The following CNTNAP2 variants were observed in gnomAD, a reference collection of about 807,000 sequenced individuals.
CNTNAP2 encodes contactin-associated protein-like 2.
Under a neutral mutation model 155.2 loss-of-function variants are expected in CNTNAP2, and 98 were observed. That is an observed-to-expected ratio of 0.63 (90% CI 0.54 to 0.75). The LOEUF (loss-of-function observed/expected upper bound fraction) is 0.75. Ranked by LOEUF, CNTNAP2 falls within the 30% of genes least tolerant of loss-of-function variation. The pLI, the probability that CNTNAP2 is intolerant of heterozygous loss-of-function variation, is 0.00. For missense variants in CNTNAP2, 1,727 were observed against 1,688.1 expected (o/e 1.02, Z -0.40); for synonymous variants, 651 against 631.2 (o/e 1.03, Z -0.47).
intron 14 of CNTNAP2, among the ~76,000 whole-genome samples, chr7:147,951,871 G>A (rs1054719028): frequency 7.3e-5 from 11 of 151,712 alleles, no homozygotes; most frequent in African/African-American, 2.4e-4. Flanking sequence ...AACCACCATG[G>A]CACATGTATA....
intron 10 of CNTNAP2, among the ~76,000 whole-genome samples, chr7:147,441,844 T>TCTCTCC (rs1797643558): frequency 7.6e-6 from 1 of 132,312 alleles, no homozygotes; most frequent in East Asian, 2.0e-4. Flanking sequence ...TCTCTCTCTC[T>TCTCTCC]CTCTCTCCCT....
At chr7:148,146,005 G>A (rs1295660588) in intron 16 of CNTNAP2, among the ~76,000 whole-genome samples, 1 of 152,212 alleles carries the variant, frequency 6.6e-6, no homozygotes, top group Non-Finnish European at 1.5e-5. Context: ...GCTCAATAAA[G>A]TTAATGCAGC....
chr7:146,178,233 C>T (rs1231594584), intron 1 of CNTNAP2, among the ~76,000 whole-genome samples: 1 of 152,078 alleles, frequency 6.6e-6, no homozygotes, highest in Non-Finnish European at 1.5e-5. Flanking sequence ...CGGAGTTTCA[C>T]CGTGTTAGCC....
chr7:147,043,482 T>C (rs1432116296), intron 3 of CNTNAP2, among the ~76,000 whole-genome samples: 1 of 152,202 alleles, frequency 6.6e-6, no homozygotes, highest in East Asian at 1.9e-4. Context: ...CTTCTCTCAC[T>C]AATGTTGAAA....
intron 1 of CNTNAP2, among the ~76,000 whole-genome samples, chr7:146,289,303 A>G (rs1329284684): frequency 2.0e-5 from 3 of 152,224 alleles, no homozygotes; most frequent in African/African-American, 7.2e-5. Context: ...CATGGTACAA[A>G]ATACAAGTTT....
At chr7:146,203,407 G>A (rs1347122587) in intron 1 of CNTNAP2, among the ~76,000 whole-genome samples, 5 of 152,148 alleles carry the variant, frequency 3.3e-5, no homozygotes, top group Non-Finnish European at 5.9e-5. Flanking sequence ...ATGCTTACTT[G>A]TTTATCACAA....
chr7:147,248,959 T>C (rs1053125776), intron 8 of CNTNAP2, among the ~76,000 whole-genome samples: 4 of 152,062 alleles, frequency 2.6e-5, no homozygotes, highest in African/African-American at 9.7e-5. Context: ...GCCTTAATGG[T>C]CCACTGATCT....
intron 1 of CNTNAP2, among the ~76,000 whole-genome samples, chr7:146,126,434 A>G (rs187904542): frequency 6.6e-6 from 1 of 152,324 alleles, no homozygotes; most frequent in East Asian, 1.9e-4. Context: ...AAATCATAAT[A>G]TATATGTCAT....
chr7:147,265,914 G>A (rs1418783812), intron 8 of CNTNAP2, among the ~76,000 whole-genome samples: 1 of 152,086 alleles, frequency 6.6e-6, no homozygotes, highest in Non-Finnish European at 1.5e-5. Context: ...TACAGAGGAG[G>A]GACCTGACTA....
chr7:147,420,637 A>G (rs1363634840), intron 10 of CNTNAP2, among the ~76,000 whole-genome samples: 1 of 152,130 alleles, frequency 6.6e-6, no homozygotes, highest in Non-Finnish European at 1.5e-5. Context: ...TTTGAAAGTT[A>G]CTCCCTCAAA....
At chr7:146,952,819 G>C (rs549043538) in intron 3 of CNTNAP2, among the ~76,000 whole-genome samples, 5 of 152,136 alleles carry the variant, frequency 3.3e-5, no homozygotes, top group South Asian at 2.1e-4. Flanking sequence ...AGATCACAGA[G>C]ACAGAAGATG....
intron 5 of CNTNAP2, among the ~76,000 whole-genome samples, chr7:147,112,386 G>C (rs1485462458): frequency 2.0e-5 from 3 of 152,070 alleles, no homozygotes; most frequent in Admixed American, 2.0e-4. Context: ...TGATTGCCCT[G>C]GCCAGGATAG....
intron 9 of CNTNAP2, among the ~76,000 whole-genome samples, chr7:147,307,914 G>A (rs1366236137): frequency 6.6e-6 from 1 of 152,168 alleles, no homozygotes; most frequent in Non-Finnish European, 1.5e-5. Flanking sequence ...TGTTGAGGTA[G>A]TGAACAAATC....
At chr7:146,907,389 G>A (rs943522269) in intron 3 of CNTNAP2, among the ~76,000 whole-genome samples, 29 of 148,462 alleles carry the variant, frequency 2.0e-4, no homozygotes, top group Non-Finnish European at 3.7e-4. Context: ...AATGTTAAGG[G>A]CAGCCAGAGA....
chr7:147,604,176 G>T (rs982822433), intron 12 of CNTNAP2, among the ~76,000 whole-genome samples: 1 of 151,744 alleles, frequency 6.6e-6, no homozygotes, highest in Non-Finnish European at 1.5e-5. Flanking sequence ...AGGACTTCAT[G>T]TCTAAAACAC....
intron 13 of CNTNAP2, among the ~76,000 whole-genome samples, chr7:147,897,829 A>G (rs1193911617): frequency 1.3e-5 from 2 of 152,224 alleles, no homozygotes; most frequent in Non-Finnish European, 2.9e-5. Context: ...ATTATTGGCC[A>G]TGGGAAGCAT....
At chr7:147,789,884 C>T (rs747132682) in intron 13 of CNTNAP2, among the ~76,000 whole-genome samples, 3 of 152,152 alleles carry the variant, frequency 2.0e-5, no homozygotes, top group Admixed American at 6.5e-5. Context: ...AGCCACAAAC[C>T]GAAGGCTGTT....
chr7:147,187,729 C>T (rs1473496684), intron 8 of CNTNAP2, among the ~76,000 whole-genome samples: 4 of 152,094 alleles, frequency 2.6e-5, no homozygotes, highest in Non-Finnish European at 5.9e-5. Context: ...ATCTGTACCC[C>T]TGAAGCTAAA....
chr7:146,542,421 A>G (rs1358417280), intron 1 of CNTNAP2, among the ~76,000 whole-genome samples: 1 of 152,014 alleles, frequency 6.6e-6, no homozygotes, highest in Non-Finnish European at 1.5e-5. Context: ...TTCCAAGGTA[A>G]GAACACAAAT....
Sources: allele counts gnomAD v4.1 joint callset (sites outside exome capture counted in the v4.1 genomes callset), GRCh38; gene constraint gnomAD v4.1.1; transcripts MANE v1.5; gene names NCBI Gene and HGNC (gene_info 2026-07-23, HGNC 2026-07-21).